Variants in WFDC11 observed in about 807,000 individuals in gnomAD.
The protein encoded by WFDC11 is WAP four-disulfide core domain 11.
Under a neutral mutation model 9.9 loss-of-function variants are expected in WFDC11, and 9 were observed. That is an observed-to-expected ratio of 0.91 (90% CI 0.55 to 1.58). The LOEUF (loss-of-function observed/expected upper bound fraction) is 1.58, where lower values mean the gene tolerates loss of function less well. WFDC11 is among the 40% of genes most tolerant of loss of function. WFDC11 has a pLI of 0.00. For synonymous variants in WFDC11, 32 were observed against 33.3 expected, an observed-to-expected ratio of 0.96 and a Z score of 0.13; for missense variants, 106 against 101.7, an observed-to-expected ratio of 1.04 and a Z score of -0.18.
At chr20:45,655,388 C>A (rs190696003) in intron 2 of WFDC11, among the ~76,000 whole-genome samples, 121 of 152,298 alleles carry the variant, frequency 7.9e-4, no homozygotes, top group African/African-American at 2.7e-3. Context: ...AACAACCCTT[C>A]ATGCTAGAAA....
At chr20:45,654,142 C>T (rs1451820025) in intron 2 of WFDC11, among the ~76,000 whole-genome samples, 4 of 152,196 alleles carry the variant, frequency 2.6e-5, no homozygotes, top group African/African-American at 7.2e-5. Context: ...TTCTCAGCAC[C>T]ACACTGCACT....
Position 45,650,587 on chromosome 20 carries a change from A to C in WFDC11, c.14T>G (p.Met5Arg). 6.2e-7 allele frequency: 1 copy of C among 1,614,140 alleles called. No homozygotes were observed. The highest frequency in any genetic ancestry group is 8.5e-7 in the Non-Finnish European group (1 of 1,179,988). Reference sequence around the variant, plus strand: ...CATGAGCATGGGTATCCAGAGCTTCATGAGGCTGACCATATGTGTCTGAAT... The same window carrying C: ...CATGAGCATGGGTATCCAGAGCTTCCTGAGGCTGACCATATGTGTCTGAAT... MVSL[M>R]KLWIPMLMTF... Residue 5 changes from methionine (M) to arginine (R), a missense_variant, in exon 3 of 5, where the codon ATG becomes AGG. Met to Arg is a moderately conservative substitution (Grantham distance 91, BLOSUM62 -1). Transcript: ENST00000324384.
chr20:45,657,382 A>G (rs1455990119), intron 2 of WFDC11, among the ~76,000 whole-genome samples: 1 of 141,322 alleles, frequency 7.1e-6, no homozygotes, highest in Non-Finnish European at 1.5e-5. Context: ...GAATTGAACC[A>G]TGAGAACACA....
chr20:45,666,976 T>C (rs902408149), intron 2 of WFDC11, 112 bp downstream of exon 2: 3 of 152,158 alleles, frequency 2.0e-5, no homozygotes, highest in Non-Finnish European at 2.9e-5. Context: ...AGAGGGATAG[T>C]GTTGGCATGA....
chr20:45,649,083 G>C (rs1323208930), intron 4 of WFDC11, among the ~76,000 whole-genome samples, 174 bp downstream of exon 4: 1 of 152,178 alleles, frequency 6.6e-6, no homozygotes, highest in Non-Finnish European at 1.5e-5. Context: ...GTCTAAGCTG[G>C]TGTCTTGATT....
At chr20:45,648,895 T>C (rs566871514) in intron 4 of WFDC11, among the ~76,000 whole-genome samples, 156 bp from the exon 5 acceptor site, 17 of 152,246 alleles carry the variant, frequency 1.1e-4, no homozygotes, top group Admixed American at 8.5e-4. Flanking sequence ...AGGTGAGGTA[T>C]TGGACAAAAA....
intron 1 of WFDC11, among the ~76,000 whole-genome samples, chr20:45,669,103 C>T (rs537878708): frequency 6.6e-6 from 1 of 152,250 alleles, no homozygotes; most frequent in South Asian, 2.1e-4. Flanking sequence ...AGCCAGCAGG[C>T]TATTGACTAT....
At chr20:45,668,700 T>C (rs1367379057) in intron 1 of WFDC11, among the ~76,000 whole-genome samples, 3 of 152,166 alleles carry the variant, frequency 2.0e-5, no homozygotes, top group Non-Finnish European at 2.9e-5. Flanking sequence ...TAGTGGATAA[T>C]CCTGTGACTA....
chr20:45,668,709 T>A (rs891694991), intron 1 of WFDC11, among the ~76,000 whole-genome samples: 1 of 152,198 alleles, frequency 6.6e-6, no homozygotes, highest in African/African-American at 2.4e-5. Flanking sequence ...ATCCTGTGAC[T>A]ATTTTTAAGT....
At chr20:45,650,784 C>G (rs535456360) in intron 2 of WFDC11, 133 bp from the exon 3 acceptor site, 2 of 524,496 alleles carry the variant, frequency 3.8e-6, no homozygotes, top group Non-Finnish European at 3.3e-6. Context: ...CACACCTAAG[C>G]TGAGCGTTGG....
intron 2 of WFDC11, among the ~76,000 whole-genome samples, chr20:45,664,009 A>G (rs904517438): frequency 6.6e-6 from 1 of 152,116 alleles, no homozygotes; most frequent in Non-Finnish European, 1.5e-5. Flanking sequence ...GACCTGTCTA[A>G]TATTGACAGT....
chr20:45,657,663 C>T (rs1205258312), intron 2 of WFDC11, among the ~76,000 whole-genome samples: 1 of 152,174 alleles, frequency 6.6e-6, no homozygotes, highest in African/African-American at 2.4e-5. Flanking sequence ...TGAACAAGTA[C>T]ACTATTCTTC....
chr20:45,650,267 CAGAG>C (rs921450582), intron 3 of WFDC11, among the ~76,000 whole-genome samples: 12 of 150,428 alleles, frequency 8.0e-5, no homozygotes, highest in African/African-American at 2.2e-4. Context: ...GAGAGAGAGA[CAGAG>C]AGAGAGAGAT....
chr20:45,661,268 G>C (rs1162288677), intron 2 of WFDC11, among the ~76,000 whole-genome samples: 1 of 152,018 alleles, frequency 6.6e-6, no homozygotes, highest in Non-Finnish European at 1.5e-5. Flanking sequence ...GGGGTTGTTT[G>C]TTTTTTTCTT....
At chr20:45,654,762 C>G (rs1982885890) in intron 2 of WFDC11, among the ~76,000 whole-genome samples, 1 of 152,102 alleles carries the variant, frequency 6.6e-6, no homozygotes, top group African/African-American at 2.4e-5. Flanking sequence ...CAACACCGAT[C>G]CCACAGAAAT....
At chr20:45,651,892 G>A (rs1415073029) in intron 2 of WFDC11, among the ~76,000 whole-genome samples, 2 of 151,632 alleles carry the variant, frequency 1.3e-5, no homozygotes, top group African/African-American at 4.9e-5. Context: ...CTGGGGGAGG[G>A]GCACCCTCCA....
chr20:45,649,177 T>A, intron 4 of WFDC11, 80 bp downstream of exon 4: 1 of 1,545,812 alleles, frequency 6.5e-7, no homozygotes, highest in Non-Finnish European at 8.8e-7. Context: ...ACCTCAGTCT[T>A]CTGTTTAGGA....
chr20:45,656,922 G>C (rs1225729799), intron 2 of WFDC11, among the ~76,000 whole-genome samples: 3 of 152,216 alleles, frequency 2.0e-5, no homozygotes, highest in Non-Finnish European at 2.9e-5. Context: ...TCATTAAAAA[G>C]TCCAGAAACA....
At chr20:45,657,634 T>C (rs555914522) in intron 2 of WFDC11, among the ~76,000 whole-genome samples, 28 of 152,188 alleles carry the variant, frequency 1.8e-4, no homozygotes, top group Non-Finnish European at 3.7e-4. Flanking sequence ...CTGTTGAAAC[T>C]ATAAAACTAA....
Sources: gnomAD v4.1 joint callset for allele counts (sites outside exome capture counted in the v4.1 genomes callset) on GRCh38, gnomAD v4.1.1 for gene constraint, MANE v1.5 for transcripts, NCBI Gene and HGNC (gene_info 2026-07-23, HGNC 2026-07-21) for gene names.